Variants in ATF7IP observed in about 807,000 individuals in gnomAD.
ATF7IP encodes activating transcription factor 7 interacting protein.
Under a neutral mutation model 106.4 loss-of-function variants are expected in ATF7IP, and 23 were observed. The ratio of observed to expected loss-of-function variants is 0.22; its 90% CI spans 0.16 to 0.31. The LOEUF (loss-of-function observed/expected upper bound fraction) is 0.31. Among genes scored for constraint, ATF7IP ranks in the 10% least tolerant of loss-of-function variants. ATF7IP has a pLI of 1.00. For synonymous variants in ATF7IP, 542 were observed against 539.0 expected, an observed-to-expected ratio of 1.01 and a Z score of -0.08; for missense variants, 1,334 against 1,524.3, an observed-to-expected ratio of 0.88 and a Z score of 2.08.
chr12:14,480,051 G>A (rs972599813), intron 12 of ATF7IP, among the ~76,000 whole-genome samples: 2 of 152,032 alleles, frequency 1.3e-5, no homozygotes, highest in Non-Finnish European at 1.5e-5. Context: ...CTTTCTTCCC[G>A]TTTCTGAAGA....
At chr12:14,384,906 CTT>C (rs372885591) in intron 1 of ATF7IP, among the ~76,000 whole-genome samples, 1 of 133,352 alleles carries the variant, frequency 7.5e-6, no homozygotes, top group African/African-American at 2.7e-5. Flanking sequence ...CAAGGTTTAA[CTT>C]TTTTTTTTTT....
chr12:14,438,052 C>CAA, intron 4 of ATF7IP, 78 bp from the exon 5 acceptor site: 1 of 1,343,178 alleles, frequency 7.4e-7, no homozygotes, highest in Non-Finnish European at 1.0e-6. Flanking sequence ...GACTCTGTCT[C>CAA]AAAAAAAAAG....
chr12:14,495,952 A>G (rs555786103), intron 13 of ATF7IP, among the ~76,000 whole-genome samples: 24 of 151,728 alleles, frequency 1.6e-4, no homozygotes, highest in African/African-American at 5.8e-4. Context: ...TTTTCTCTTT[A>G]TTTTCTCACG....
intron 5 of ATF7IP, among the ~76,000 whole-genome samples, chr12:14,441,192 C>A (rs1338073643): frequency 6.6e-6 from 1 of 152,170 alleles, no homozygotes; most frequent in African/African-American, 2.4e-5. Flanking sequence ...TCTGTTCCCA[C>A]CAGCAATGTA....
In ATF7IP at chr12:14,500,794, AATTCATTAGCC is replaced by A; in HGVS notation, c.*2722_*2732del. On this transcript the variant is annotated 3_prime_UTR_variant, in exon 15 of 15. Coordinates refer to ENST00000261168, the MANE Select transcript of ATF7IP (RefSeq NM_018179.5). ...AGAAAGCCCAGTAGAATAAAAAAAAAATTCATTAGCCTAGCCTATATTATGTTTTCTGTCAA... is the reference window on the plus strand; with the variant it reads ...AGAAAGCCCAGTAGAATAAAAAAAAATAGCCTATATTATGTTTTCTGTCAA... 6.6e-6 allele frequency: 1 copy of A among 152,380 alleles called. No individual in the cohort carries two copies. The highest frequency in any genetic ancestry group is 1.5e-5 in the Non-Finnish European group (1 of 68,030). The allele number at this position is 152,380 out of a possible 1,614,324, so 9.4% of individuals were successfully genotyped here.
At chr12:14,390,915 C>T (rs956958455) in intron 1 of ATF7IP, among the ~76,000 whole-genome samples, 1 of 152,184 alleles carries the variant, frequency 6.6e-6, no homozygotes, top group Non-Finnish European at 1.5e-5. Flanking sequence ...AATAATACCA[C>T]GACATTGGTA....
At chr12:14,368,834 C>T (rs904338671) in intron 1 of ATF7IP, among the ~76,000 whole-genome samples, 2 of 152,048 alleles carry the variant, frequency 1.3e-5, no homozygotes, top group South Asian at 2.1e-4. Flanking sequence ...CAGCTACTTA[C>T]GGCTTTGGGG....
intron 1 of ATF7IP, among the ~76,000 whole-genome samples, chr12:14,375,775 A>T (rs1938714053): frequency 2.0e-5 from 3 of 152,248 alleles, no homozygotes; most frequent in African/African-American, 7.2e-5. Context: ...TGCCTCACAC[A>T]TATCTCTAGC....
chr12:14,393,689 C>A (rs1939695301), intron 1 of ATF7IP, among the ~76,000 whole-genome samples: 1 of 151,950 alleles, frequency 6.6e-6, no homozygotes, highest in Admixed American at 6.6e-5. Flanking sequence ...TTTGGATAAC[C>A]CCTAGTAAGC....
intron 8 of ATF7IP, among the ~76,000 whole-genome samples, chr12:14,458,587 C>T (rs1235633528): frequency 2.6e-5 from 4 of 152,088 alleles, no homozygotes; most frequent in Non-Finnish European, 4.4e-5. Context: ...TTTGGGAGGC[C>T]CGAGGCAGGT....
In ATF7IP at chr12:14,460,901, T is replaced by C. The variant is rs2136723695; in HGVS notation, c.2565T>C (p.Ile855=). The C allele has an allele frequency of 6.2e-7, 1 of 1,614,104 alleles. No individual in the cohort carries two copies. The highest frequency in any genetic ancestry group is 8.5e-7 in the Non-Finnish European group (1 of 1,180,018). The change falls in exon 9 of 15, where the codon ATT becomes ATC. Residue 855 remains isoleucine, a synonymous_variant. Transcript: ENST00000261168. ...TTCCTTCTGTGCCCAGTCCTAGTATTCAAAGGAACCCTACTGCCAGTGCTG... is the reference window on the plus strand; with the variant it reads ...TTCCTTCTGTGCCCAGTCCTAGTATCCAAAGGAACCCTACTGCCAGTGCTG... The part of the protein sequence containing the change: ...NNVPSVPSPS[I]QRNPTASAAP...
chr12:14,444,301 G>T (rs1942849677), intron 5 of ATF7IP, among the ~76,000 whole-genome samples: 1 of 152,102 alleles, frequency 6.6e-6, no homozygotes, highest in African/African-American at 2.4e-5. Context: ...TTAAATAATA[G>T]AAACTGTGGG....
chr12:14,382,555 G>T (rs1026441406), intron 1 of ATF7IP, among the ~76,000 whole-genome samples: 1 of 152,154 alleles, frequency 6.6e-6, no homozygotes, highest in African/African-American at 2.4e-5. Flanking sequence ...ATTCTGAACT[G>T]CAGATGTTTT....
At chr12:14,437,925 C>T (rs1301359923) in intron 4 of ATF7IP, among the ~76,000 whole-genome samples, 2 of 151,084 alleles carry the variant, frequency 1.3e-5, no homozygotes, top group African/African-American at 2.4e-5. Flanking sequence ...TAGTGGCGGG[C>T]GCCTGTAGTC....
intron 1 of ATF7IP, among the ~76,000 whole-genome samples, chr12:14,373,856 C>G (rs1056789066): frequency 2.6e-5 from 4 of 151,938 alleles, no homozygotes; most frequent in African/African-American, 9.7e-5. Context: ...AATTCTTCCC[C>G]TCTCTGCTTG....
At chr12:14,434,523 T>C in intron 3 of ATF7IP, 100 bp downstream of exon 3, 1 of 817,116 alleles carries the variant, frequency 1.2e-6, no homozygotes, top group Non-Finnish European at 1.9e-6. Context: ...ATGAAATAAT[T>C]GTAAAATTTT....
intron 1 of ATF7IP, among the ~76,000 whole-genome samples, chr12:14,396,161 G>A (rs576479069): frequency 1.3e-5 from 2 of 152,096 alleles, no homozygotes; most frequent in Admixed American, 1.3e-4. Flanking sequence ...GTGGTAGTGA[G>A]GTAGCTTAGA....
At chr12:14,426,251 C>T (rs1205699783) in intron 2 of ATF7IP, among the ~76,000 whole-genome samples, 1 of 152,068 alleles carries the variant, frequency 6.6e-6, no homozygotes, top group Non-Finnish European at 1.5e-5. Context: ...AAAAATTCTA[C>T]CTTCTTTTAT....
chr12:14,384,081 A>G (rs1939111497), intron 1 of ATF7IP, among the ~76,000 whole-genome samples: 1 of 152,212 alleles, frequency 6.6e-6, no homozygotes, highest in Non-Finnish European at 1.5e-5. Context: ...ACTGAAATAG[A>G]ATGAGATAAT....
Sources: allele counts gnomAD v4.1 joint callset (sites outside exome capture counted in the v4.1 genomes callset), GRCh38; gene constraint gnomAD v4.1.1; transcripts MANE v1.5; gene names NCBI Gene and HGNC (gene_info 2026-07-23, HGNC 2026-07-21).